Variants in CHN1 observed in about 807,000 individuals in gnomAD.
CHN1 encodes N-chimaerin.
CHN1 carries 37 observed loss-of-function variants against 59.5 expected under a neutral mutation model. The ratio of observed to expected loss-of-function variants is 0.62; its 90% CI spans 0.48 to 0.82. The LOEUF (loss-of-function observed/expected upper bound fraction) is 0.82. Ranked by LOEUF, CHN1 falls within the 40% of genes least tolerant of loss-of-function variation. The pLI is 0.00. For synonymous variants in CHN1, 206 were observed against 200.4 expected (o/e 1.03, Z -0.24); for missense variants, 469 against 571.0 (o/e 0.82, Z 1.82).
chr2:174,851,830 G>A (rs1421136153), intron 6 of CHN1, among the ~76,000 whole-genome samples: 2 of 152,194 alleles, frequency 1.3e-5, no homozygotes, highest in Non-Finnish European at 2.9e-5. Flanking sequence ...TTGACAATAT[G>A]ATTCTATACT....
intron 5 of CHN1, among the ~76,000 whole-genome samples, chr2:174,913,417 T>C (rs1421759107): frequency 1.3e-5 from 2 of 152,180 alleles, no homozygotes; most frequent in African/African-American, 2.4e-5. Flanking sequence ...TTATAATATG[T>C]TAGGAGTAGA....
intron 3 of CHN1, among the ~76,000 whole-genome samples, chr2:174,931,403 C>T: frequency 6.6e-6 from 1 of 152,224 alleles, no homozygotes; most frequent in East Asian, 1.9e-4. Context: ...TTTCCTCCCA[C>T]TCCTGTGCCA....
chr2:174,902,807 T>C (rs946438300), intron 5 of CHN1, among the ~76,000 whole-genome samples: 6 of 152,204 alleles, frequency 3.9e-5, no homozygotes, highest in Non-Finnish European at 8.8e-5. Context: ...CCAATTTTCA[T>C]ATTTTAAAAC....
intron 12 of CHN1, among the ~76,000 whole-genome samples, chr2:174,801,371 CTTGCT>C (rs1163351644): frequency 2.0e-5 from 3 of 152,184 alleles, no homozygotes; most frequent in African/African-American, 7.2e-5. Context: ...TTGCTTTCTT[CTTGCT>C]TTATTATGCA....
rs375778938 is a variant in CHN1, at chr2:174,977,581, A to C, written c.20-25379T>G. ...CGCAATAAGAAAACTGAAGGATGAC[A>C]CAATCGGATCATGTATTTCACAAAT... On this transcript the variant is annotated intron_variant, in intron 1 of 12. Coordinates refer to ENST00000409900, the MANE Select transcript of CHN1 (RefSeq NM_001822.7). 7.3e-4 allele frequency among the ~76,000 whole-genome samples: 111 copies of C among 152,364 alleles called. 1 individual carries two copies. The South Asian group carries it at 0.015, about 20-fold the overall frequency.
chr2:174,801,252 T>C (rs996306108), intron 12 of CHN1, among the ~76,000 whole-genome samples: 7 of 152,220 alleles, frequency 4.6e-5, no homozygotes, highest in African/African-American at 1.7e-4. Flanking sequence ...GTTTGCAGTG[T>C]TGGCAACAAT....
intron 6 of CHN1, among the ~76,000 whole-genome samples, chr2:174,852,826 G>A (rs74914611): frequency 6.6e-6 from 1 of 152,212 alleles, no homozygotes; most frequent in East Asian, 1.9e-4. Context: ...AATAAGTAAT[G>A]GAGAAAGGAC....
intron 7 of CHN1, 115 bp from the exon 8 acceptor site, chr2:174,824,633 A>ATAT: frequency 1.3e-4 from 45 of 346,434 alleles, no homozygotes; most frequent in Middle Eastern, 7.3e-4. Context: ...TATATATATG[A>ATAT]GAGAAAGAGA....
At chr2:174,961,420 C>T (rs1238245192) in intron 1 of CHN1, among the ~76,000 whole-genome samples, 3 of 151,650 alleles carry the variant, frequency 2.0e-5, no homozygotes, top group Non-Finnish European at 3.0e-5. Flanking sequence ...GGAGAAACCC[C>T]GTCTCTACTA....
chr2:174,946,002 CAT>C lies in CHN1; in HGVS notation c.59-1061_59-1060del, dbSNP rs540997146. ...CACACACACACAGTGAACACACACACATACACGTAACTGTGAGTACTTCTATG... is the reference window on the plus strand; with the variant it reads ...CACACACACACAGTGAACACACACACACACGTAACTGTGAGTACTTCTATG... On this transcript the variant is annotated intron_variant, in intron 2 of 12. Transcript: ENST00000409900. 4.7e-3 allele frequency among the ~76,000 whole-genome samples: 711 copies of C among 152,052 alleles called. 1 individual carries two copies. Among genetic ancestry groups the C allele is most frequent in the Non-Finnish European group, 8.0e-3 (544 of 67,972 alleles).
chr2:174,805,815 A>G (rs982848743), intron 11 of CHN1, among the ~76,000 whole-genome samples: 1 of 140,082 alleles, frequency 7.1e-6, no homozygotes, highest in African/African-American at 2.5e-5. Context: ...GGCAGAGCTG[A>G]GGAAATACTA....
At chr2:174,879,014 CA>C (rs1415227021) in intron 5 of CHN1, among the ~76,000 whole-genome samples, 1 of 152,136 alleles carries the variant, frequency 6.6e-6, no homozygotes, top group Non-Finnish European at 1.5e-5. Flanking sequence ...AAGCAGATGT[CA>C]AAAGGCAACA....
At chr2:174,858,896 G>A (rs2105450219) in intron 6 of CHN1, among the ~76,000 whole-genome samples, 1 of 150,892 alleles carries the variant, frequency 6.6e-6, no homozygotes, top group African/African-American at 2.4e-5. Context: ...TTGTGAGGAA[G>A]AAGAAAAGAT....
intron 6 of CHN1, among the ~76,000 whole-genome samples, chr2:174,853,738 C>T (rs777465375): frequency 2.0e-5 from 3 of 152,160 alleles, no homozygotes; most frequent in East Asian, 1.9e-4. Context: ...AAATGTGGTA[C>T]ATACACACTA....
At chr2:174,872,166 C>T (rs1687429923) in intron 6 of CHN1, among the ~76,000 whole-genome samples, 2 of 152,096 alleles carry the variant, frequency 1.3e-5, no homozygotes, top group Admixed American at 1.3e-4. Context: ...AGCTTGTAGT[C>T]CCAGCTATTT....
chr2:174,997,837 C>A (rs1416304198), intron 1 of CHN1, among the ~76,000 whole-genome samples: 1 of 151,734 alleles, frequency 6.6e-6, no homozygotes. Flanking sequence ...CGAGACCAGC[C>A]TGGCCAACAA....
intron 10 of CHN1, among the ~76,000 whole-genome samples, chr2:174,810,029 G>A (rs1054161599): frequency 1.3e-5 from 2 of 152,186 alleles, no homozygotes; most frequent in African/African-American, 4.8e-5. Flanking sequence ...GCTCTTAAAT[G>A]AGTTCATTCC....
chr2:174,803,625 G>A (rs1684797709), intron 11 of CHN1, among the ~76,000 whole-genome samples: 1 of 152,202 alleles, frequency 6.6e-6, no homozygotes, highest in Non-Finnish European at 1.5e-5. Context: ...CATGATGATG[G>A]CTCACTGCAG....
At chr2:174,998,025 G>A (rs1460866590) in intron 1 of CHN1, among the ~76,000 whole-genome samples, 7 of 147,796 alleles carry the variant, frequency 4.7e-5, no homozygotes, top group South Asian at 4.3e-4. Context: ...AGATAGGGCC[G>A]GGCACAGTGG....
Sources: gnomAD v4.1 joint callset for allele counts (sites outside exome capture counted in the v4.1 genomes callset) on GRCh38, gnomAD v4.1.1 for gene constraint, MANE v1.5 for transcripts, NCBI Gene and HGNC (gene_info 2026-07-23, HGNC 2026-07-21) for gene names.